Variants in ANKRD17 observed in about 807,000 individuals in gnomAD.
ANKRD17 encodes ankyrin repeat domain 17, also known as ankyrin repeat domain-containing protein 17.
ANKRD17 carries 19 observed loss-of-function variants against 229.7 expected under a neutral mutation model. The observed-to-expected ratio is 0.08, with a 90% CI of 0.06 to 0.12. ANKRD17 has a LOEUF of 0.12. Among genes scored for constraint, ANKRD17 ranks in the 10% least tolerant of loss-of-function variants. The pLI is 1.00. For missense variants in ANKRD17, 2,176 were observed against 3,176.8 expected (o/e 0.68, Z 7.57); for synonymous variants, 1,112 against 1,146.1 (o/e 0.97, Z 0.60).
Position 73,092,177 on chromosome 4 carries a change from T to C in ANKRD17, c.5451A>G (p.Lys1817=). 6.2e-7 allele frequency: 1 copy of C among 1,614,148 alleles called. No individual in the cohort carries two copies. The highest frequency in any genetic ancestry group is 1.3e-5 in the African/African-American group (1 of 75,036). The change falls in exon 29 of 34, where the codon AAA becomes AAG. Residue 1817 remains lysine, a synonymous_variant. Coordinates refer to ENST00000358602, the MANE Select transcript of ANKRD17 (RefSeq NM_032217.5). The part of the protein sequence containing the change: ...NRLKSSSANS[K]IGSSAPTTTA... ...TGGTGGTAGGTGCTGATGACCCTAT[T>C]TTGGAATTTGCTGAGGAGCTTTTCA... is the stretch of plus-strand genomic sequence containing the variant.
chr4:73,112,284 C>T (rs926390714), intron 24 of ANKRD17, among the ~76,000 whole-genome samples: 1 of 152,134 alleles, frequency 6.6e-6, no homozygotes, highest in Non-Finnish European at 1.5e-5. Context: ...ACAGTTTAAA[C>T]TGAGCACACT....
intron 24 of ANKRD17, among the ~76,000 whole-genome samples, chr4:73,112,334 T>C (rs1725421111): frequency 6.6e-6 from 1 of 152,164 alleles, no homozygotes; most frequent in Non-Finnish European, 1.5e-5. Context: ...ATCAAATATA[T>C]ATTCTATCAC....
intron 1 of ANKRD17, among the ~76,000 whole-genome samples, chr4:73,222,529 T>C (rs963544258): frequency 1.3e-5 from 2 of 152,180 alleles, no homozygotes; most frequent in Non-Finnish European, 2.9e-5. Flanking sequence ...GATATAAACA[T>C]GCTTAGTTTA....
At chr4:73,134,717 CAT>C (rs1049002277) in intron 16 of ANKRD17, among the ~76,000 whole-genome samples, 147 of 152,264 alleles carry the variant, frequency 9.7e-4, no homozygotes, top group African/African-American at 3.5e-3. Context: ...TGATATCAAT[CAT>C]GTGTATGACA....
chr4:73,222,049 G>C (rs756340319), intron 1 of ANKRD17, among the ~76,000 whole-genome samples: 4 of 152,006 alleles, frequency 2.6e-5, no homozygotes, highest in Non-Finnish European at 5.9e-5. Context: ...ATGTGAAATA[G>C]TTAATAAATT....
At chr4:73,087,260 A>G (rs1722298651) in intron 29 of ANKRD17, among the ~76,000 whole-genome samples, 1 of 151,360 alleles carries the variant, frequency 6.6e-6, no homozygotes, top group African/African-American at 2.4e-5. Context: ...TTTTTTATTT[A>G]TTTTTGTAGA....
At chr4:73,240,734 C>A (rs1417144849) in intron 1 of ANKRD17, among the ~76,000 whole-genome samples, 2 of 151,708 alleles carry the variant, frequency 1.3e-5, no homozygotes, top group Admixed American at 6.6e-5. Context: ...TTAACAAACA[C>A]AGGAAACTGC....
intron 3 of ANKRD17, among the ~76,000 whole-genome samples, chr4:73,158,190 G>GAAAGAAAGAA (rs1560618018): frequency 5.7e-5 from 5 of 87,856 alleles, no homozygotes; most frequent in Non-Finnish European, 1.1e-4. Context: ...GAAAGAAAGA[G>GAAAGAAAGAA]AGAGAAAGAA....
At chr4:73,175,006 A>T (rs1734540118) in intron 2 of ANKRD17, among the ~76,000 whole-genome samples, 1 of 152,212 alleles carries the variant, frequency 6.6e-6, no homozygotes, top group Admixed American at 6.5e-5. Context: ...ACCCCAAGCA[A>T]CTTACAGAGT....
chr4:73,213,997 T>C lies in ANKRD17; in HGVS notation c.394-36464A>G, dbSNP rs534475608. Among the ~76,000 whole-genome samples, 3 of 152,312 alleles carry C rather than the reference T, an allele frequency of 2.0e-5. No individual in the cohort carries two copies. In the South Asian group the frequency reaches 6.2e-4, roughly 32 times the overall value. On this transcript the variant is annotated intron_variant, in intron 1 of 33. Transcript: ENST00000358602. ...ATCTGTTTCACTTACCACTTAATAT[T>C]ACTCCACAAGCAAAATATTTTTCTA... is the stretch of plus-strand genomic sequence containing the variant.
Position 73,077,523 on chromosome 4 carries a change from G to A in ANKRD17, c.7419C>T (p.Asp2473=). 1 of 1,582,928 alleles carries A rather than the reference G, an allele frequency of 6.3e-7. No homozygotes were observed. Among genetic ancestry groups the A allele is most frequent in the Non-Finnish European group, 8.6e-7 (1 of 1,166,866 alleles). ...GATTTCCCATCCCAGGGTTACACCA[G>A]TCTACTTTGTCTGAGGGCAAACAAA... ...EGIGGNQDKV[D]WCNPGMGNPM... The change falls in exon 32 of 34, where the codon GAC becomes GAT. Residue 2473 remains aspartate, a synonymous_variant. Coordinates refer to ENST00000358602, the MANE Select transcript of ANKRD17 (RefSeq NM_032217.5).
In ANKRD17 at chr4:73,098,255, G is replaced by A. The variant is rs1401146423; in HGVS notation, c.4839C>T (p.Asp1613=). Residue 1613 remains aspartate (D), a synonymous_variant, in exon 26 of 34, where the codon GAC becomes GAT. Coordinates refer to ENST00000358602, the MANE Select transcript of ANKRD17 (RefSeq NM_032217.5). ...SKSSSTSESG[D]SDNMRISSCS... is the part of the protein sequence containing the mutation. ...AGCTGGAAATCCTCATGTTATCACT[G>A]TCCCCACTCTCGCTGGTACTGCTGC... 6.2e-7 allele frequency: 1 copy of A among 1,614,140 alleles called. No individual in the cohort carries two copies. Among genetic ancestry groups the A allele is most frequent in the Non-Finnish European group, 8.5e-7 (1 of 1,180,028 alleles).
At chr4:73,208,012 C>T (rs920300069) in intron 1 of ANKRD17, among the ~76,000 whole-genome samples, 3 of 151,948 alleles carry the variant, frequency 2.0e-5, no homozygotes, top group African/African-American at 4.8e-5. Context: ...CACGGTGAAA[C>T]CCCGTTTCCA....
chr4:73,194,805 T>C (rs1337638756), intron 1 of ANKRD17, among the ~76,000 whole-genome samples: 1 of 152,182 alleles, frequency 6.6e-6, no homozygotes, highest in Non-Finnish European at 1.5e-5. Context: ...TAAGCCTAGA[T>C]ACTACATATT....
At chr4:73,170,242 T>G (rs1480489205) in intron 2 of ANKRD17, among the ~76,000 whole-genome samples, 1 of 151,882 alleles carries the variant, frequency 6.6e-6, no homozygotes, top group Non-Finnish European at 1.5e-5. Flanking sequence ...TTAGCCACAG[T>G]AGGATAGGGC....
chr4:73,152,733 TGAGAAGGG>T (rs1360619815), intron 6 of ANKRD17, among the ~76,000 whole-genome samples: 1 of 151,900 alleles, frequency 6.6e-6, no homozygotes, highest in Non-Finnish European at 1.5e-5. Flanking sequence ...AAAGTATTTG[TGAGAAGGG>T]GAGAGAGCCA....
At chr4:73,158,109 A>G (rs1731923925) in intron 3 of ANKRD17, among the ~76,000 whole-genome samples, 1 of 148,318 alleles carries the variant, frequency 6.7e-6, no homozygotes, top group African/African-American at 2.5e-5. Context: ...GAAAGGAAGG[A>G]AAGAAGGAGA....
intron 1 of ANKRD17, among the ~76,000 whole-genome samples, chr4:73,217,520 T>A (rs1741238581): frequency 6.6e-6 from 1 of 152,092 alleles, no homozygotes; most frequent in Non-Finnish European, 1.5e-5. Flanking sequence ...CCAAAACTTT[T>A]TTTTTTTAAT....
intron 2 of ANKRD17, among the ~76,000 whole-genome samples, chr4:73,165,653 A>T (rs1733134242): frequency 6.6e-6 from 1 of 152,208 alleles, no homozygotes; most frequent in African/African-American, 2.4e-5. Flanking sequence ...AGCATTGTTG[A>T]CCTAAAGACA....
Sources: gnomAD v4.1 joint callset for allele counts (sites outside exome capture counted in the v4.1 genomes callset) on GRCh38, gnomAD v4.1.1 for gene constraint, MANE v1.5 for transcripts, NCBI Gene and HGNC (gene_info 2026-07-23, HGNC 2026-07-21) for gene names.